MYBPC2: variants seen among roughly 807,000 people sequenced by gnomAD.
MYBPC2 encodes myosin-binding protein C, fast-type.
MYBPC2 carries 122 observed loss-of-function variants against 137.0 expected under a neutral mutation model. That is an observed-to-expected ratio of 0.89 (90% CI 0.77 to 1.03). The LOEUF (loss-of-function observed/expected upper bound fraction) is 1.03, where lower values mean the gene tolerates loss of function less well. Ranked by LOEUF, MYBPC2 falls within the 50% of genes least tolerant of loss-of-function variation. MYBPC2 has a pLI of 0.00. For synonymous variants in MYBPC2, 626 were observed against 612.3 expected (o/e 1.02, Z -0.33); for missense variants, 1,500 against 1,534.4 (o/e 0.98, Z 0.37).
At position 50,441,007 on chromosome 19, in the gene MYBPC2, G is replaced by A. The variant is rs371011432; in HGVS notation, c.700G>A (p.Gly234Ser). 1.3e-4 allele frequency: 214 copies of A among 1,611,978 alleles called. No homozygotes were observed. Among genetic ancestry groups the A allele is most frequent in the Non-Finnish European group, 1.7e-4 (202 of 1,179,034 alleles). Residue 234 changes from glycine (G) to serine (S), a missense_variant, in exon 8 of 28, where the codon GGC (glycine) becomes AGC (serine). Physicochemically the swap from Gly to Ser is moderately conservative, Grantham distance 56 (BLOSUM62 0). Transcript: ENST00000357701. ...SEYEKIAFQY[G>S]ITDLRGMLKR... ...GTACGAGAAAATCGCCTTCCAGTAT[G>A]GCATCACCGACCTCCGGGGCATGCT... is the stretch of plus-strand genomic sequence containing the variant.
chr19:50,435,969 C>T lies in MYBPC2; in HGVS notation c.197-43C>T, dbSNP rs1160490037. On this transcript the variant is annotated intron_variant, in intron 3 of 27. Transcript: ENST00000357701. This position sits in a 1 kb window ranked among gnomAD's most constrained non-coding sequence, Gnocchi z 4.8. ...CCCTCTGGAGAGCCTTATGTTCCTT[C>T]CTGGGCCTCCTCCCACTCTACCCTG... The T allele has an allele frequency of 6.4e-7, 1 of 1,556,248 alleles. No homozygotes were observed. Among genetic ancestry groups the T allele is most frequent in the Non-Finnish European group, 8.7e-7 (1 of 1,149,360 alleles).
chr19:50,433,159 G>GA (rs2039672367), intron 1 of MYBPC2, among the ~76,000 whole-genome samples, 187 bp downstream of exon 1: 1 of 152,132 alleles, frequency 6.6e-6, no homozygotes, highest in Non-Finnish European at 1.5e-5. Flanking sequence ...TCTGCATGGG[G>GA]AAGAGGGTCC....
At chr19:50,439,755 T>C (rs959158596) in intron 7 of MYBPC2, among the ~76,000 whole-genome samples, 3 of 152,186 alleles carry the variant, frequency 2.0e-5, no homozygotes, top group Non-Finnish European at 4.4e-5. Flanking sequence ...CCTTGGGAAA[T>C]GGGTCTTGTC....
At chr19:50,438,960 C>A (rs1205083178) in intron 7 of MYBPC2, among the ~76,000 whole-genome samples, 2 of 152,252 alleles carry the variant, frequency 1.3e-5, no homozygotes, top group Middle Eastern at 6.8e-3. Flanking sequence ...ATCCCCATAA[C>A]TATATCCCTG....
At position 50,454,329 on chromosome 19, in the gene MYBPC2, C is replaced by T. The variant is rs2039888305; in HGVS notation, c.1974C>T (p.Val658=). The change falls in exon 18 of 28, where the codon GTC becomes GTT. Residue 658 remains valine, a synonymous_variant. Transcript: ENST00000357701. ...TTGGAGAGGATTGGGCCATCCTTGT[C>T]TGGGAGCCACCAATGTACGATGGGG... ...TSVGEDWAIL[V]WEPPMYDGGK... 6.2e-7 allele frequency: 1 copy of T among 1,612,732 alleles called. No individual in the cohort carries two copies. Among genetic ancestry groups the T allele is most frequent in the Admixed American group, 1.7e-5 (1 of 59,882 alleles).
Position 50,466,103 on chromosome 19 carries a change from C to G in MYBPC2, c.3416-92C>G. ...GGGATGGTGACCGTCATCCTGTCCC[C>G]CTGCTGGTCATGTGGATGCAGCTCC... On this transcript the variant is annotated intron_variant, in intron 27 of 27. Coordinates refer to ENST00000357701, the MANE Select transcript of MYBPC2 (RefSeq NM_004533.4). This position sits in a 1 kb window ranked among gnomAD's most constrained non-coding sequence, Gnocchi z 4.9. 1.9e-6 allele frequency: 3 copies of G among 1,560,888 alleles called. No homozygotes were observed. Among genetic ancestry groups the G allele is most frequent in the South Asian group, 2.3e-5 (2 of 88,216 alleles).
intron 1 of MYBPC2, among the ~76,000 whole-genome samples, chr19:50,433,842 G>A (rs1422080756): frequency 2.6e-5 from 4 of 152,202 alleles, no homozygotes; most frequent in Non-Finnish European, 4.4e-5. Context: ...CTGGGATACC[G>A]AGGCAGGAGG....
chr19:50,451,746 C>T (rs2039860567), intron 15 of MYBPC2, 118 bp from the exon 16 acceptor site: 1 of 1,431,274 alleles, frequency 7.0e-7, no homozygotes, highest in East Asian at 2.5e-5. Flanking sequence ...GGCTTCAGGA[C>T]ATGGATCCCT....
Position 50,458,654 on chromosome 19 carries a change from G to T in MYBPC2, c.2406G>T (p.Pro802=). The T allele has an allele frequency of 6.2e-7, 1 of 1,612,772 alleles. No homozygotes were observed. Among genetic ancestry groups the T allele is most frequent in the Non-Finnish European group, 8.5e-7 (1 of 1,179,884 alleles). Residue 802 remains proline (P), a synonymous_variant, in exon 21 of 28, where the codon CCG becomes CCT. Transcript: ENST00000357701. ...GTGGCTTCACCGTCAAGAATCTCCC[G>T]ACCGGAGCCAGAATCCTCTTCCGAG... ...ERCGFTVKNL[P]TGARILFRVV... is the part of the protein sequence containing the mutation.
chr19:50,452,326 C>T (rs1280469876), intron 16 of MYBPC2, among the ~76,000 whole-genome samples: 8 of 152,166 alleles, frequency 5.3e-5, no homozygotes, highest in Non-Finnish European at 1.2e-4. Context: ...GCCATCCACT[C>T]GTCCAGTAAT....
chr19:50,446,093 G>A (rs1369824329), intron 12 of MYBPC2, 41 bp downstream of exon 12: 3 of 1,591,274 alleles, frequency 1.9e-6, no homozygotes, highest in African/African-American at 2.7e-5. Context: ...CACTGCGCAT[G>A]CTTCTCCACA....
chr19:50,441,798 C>T (rs2039757792), intron 8 of MYBPC2, among the ~76,000 whole-genome samples: 1 of 151,354 alleles, frequency 6.6e-6, no homozygotes, highest in Non-Finnish European at 1.5e-5. Flanking sequence ...TGAGATTACG[C>T]TGTGGCACTC....
At chr19:50,460,252 C>G in intron 24 of MYBPC2, 73 bp downstream of exon 24, 8 of 1,506,654 alleles carry the variant, frequency 5.3e-6, no homozygotes, top group Non-Finnish European at 7.1e-6. Context: ...CCCCCGTTCA[C>G]AGCTGGAAGG....
In MYBPC2 at chr19:50,440,980, G is replaced by C. The variant is rs373667941; in HGVS notation, c.673G>C (p.Glu225Gln). The C allele has an allele frequency of 6.2e-7, 1 of 1,613,596 alleles. No homozygotes were observed. The highest frequency in any genetic ancestry group is 8.5e-7 in the Non-Finnish European group (1 of 1,179,728). The change falls in exon 8 of 28, where the codon GAG (glutamate) becomes CAG (glutamine). Residue 225 changes from glutamate to glutamine, a missense_variant. Transcript: ENST00000357701. ...WELLKGAKKS[E>Q]YEKIAFQYGI... is the part of the protein sequence containing the mutation. Reference sequence around the variant, plus strand: ...GCTCCTGAAAGGGGCAAAGAAGAGCGAGTACGAGAAAATCGCCTTCCAGTA... The same window carrying C: ...GCTCCTGAAAGGGGCAAAGAAGAGCCAGTACGAGAAAATCGCCTTCCAGTA...
Position 50,465,957 on chromosome 19 carries a change from C to T in MYBPC2, c.3416-238C>T, listed in dbSNP as rs537609034. 6.6e-6 allele frequency among the ~76,000 whole-genome samples: 1 copy of T among 152,306 alleles called. No homozygotes were observed. Among genetic ancestry groups the T allele is most frequent in the East Asian group, 1.9e-4 (1 of 5,180 alleles). On this transcript the variant is annotated intron_variant, in intron 27 of 27. Coordinates refer to ENST00000357701, the MANE Select transcript of MYBPC2 (RefSeq NM_004533.4). This position sits in a 1 kb window ranked among gnomAD's most constrained non-coding sequence, Gnocchi z 4.5. ...AATCAGCTCAGAAAAATCCCAGCCT[C>T]AGGATTCCAGTGACCGCGTACAGCC...
chr19:50,441,113 C>A, intron 8 of MYBPC2, 37 bp downstream of exon 8: 1 of 1,527,788 alleles, frequency 6.5e-7, no homozygotes, highest in Non-Finnish European at 8.8e-7. Flanking sequence ...GCCCTGCACA[C>A]AAGGGACCCC....
intron 20 of MYBPC2, 56 bp from the exon 21 acceptor site, chr19:50,458,531 G>A (rs1023344668): frequency 3.8e-6 from 6 of 1,585,274 alleles, no homozygotes; most frequent in African/African-American, 2.7e-5. Context: ...CGGGAGAAAC[G>A]GGAGCGGAGG....
In MYBPC2 at chr19:50,451,316, AC is replaced by A. The variant is rs1420333889; in HGVS notation, c.1609+9del. ...GAGTACGTTCCCAAGCAAGGTGAGC[AC>A]CACGGGCTGCGCTGGGAGCGGGTCT... On this transcript the variant is annotated splice_region_variant and intron_variant, in intron 15 of 27. Transcript: ENST00000357701. The A allele has an allele frequency of 6.2e-7, 1 of 1,613,332 alleles. No individual in the cohort carries two copies.
intron 8 of MYBPC2, 31 bp from the exon 9 acceptor site, chr19:50,442,150 C>T: frequency 6.4e-7 from 1 of 1,568,008 alleles, no homozygotes; most frequent in Non-Finnish European, 8.6e-7. Flanking sequence ...GACCACACGC[C>T]TCCATCCCCT....
Sources: allele counts gnomAD v4.1 joint callset (sites outside exome capture counted in the v4.1 genomes callset), GRCh38; gene constraint gnomAD v4.1.1; non-coding constraint Gnocchi (gnomAD v3.1); transcripts MANE v1.5; gene names NCBI Gene and HGNC (gene_info 2026-07-23, HGNC 2026-07-21).